NPTN: variants seen among roughly 807,000 people sequenced by gnomAD.
NPTN encodes the protein neuroplastin.
Under a neutral mutation model 42.7 loss-of-function variants are expected in NPTN, and 5 were observed. That is an observed-to-expected ratio of 0.12 (90% confidence interval 0.06 to 0.25). The LOEUF is 0.25. Ranked by LOEUF, NPTN falls within the 10% of genes least tolerant of loss-of-function variation. NPTN has a pLI of 1.00. For synonymous variants in NPTN, 180 were observed against 201.9 expected (o/e 0.89, Z 0.92); for missense variants, 307 against 525.4 (o/e 0.58, Z 4.06).
chr15:73,590,609 A>C (rs79451622), intron 3 of NPTN, among the ~76,000 whole-genome samples: 9 of 146,098 alleles, frequency 6.2e-5, no homozygotes, highest in African/African-American at 1.8e-4. Flanking sequence ...AAAAAATACA[A>C]AAAAAAAAAA....
intron 4 of NPTN, among the ~76,000 whole-genome samples, chr15:73,577,269 G>T (rs942310859): frequency 1.3e-5 from 2 of 152,186 alleles, no homozygotes; most frequent in Non-Finnish European, 2.9e-5. Context: ...TCACCTTGGG[G>T]TTCACTCCCA....
intron 1 of NPTN, among the ~76,000 whole-genome samples, chr15:73,609,361 TG>T: frequency 6.6e-6 from 1 of 152,356 alleles, no homozygotes; most frequent in South Asian, 2.1e-4. Context: ...CCGGGCGCAG[TG>T]GCTCACGCCT....
intron 4 of NPTN, among the ~76,000 whole-genome samples, chr15:73,583,321 G>A (rs1326111428): frequency 5.9e-5 from 9 of 152,162 alleles, no homozygotes; most frequent in Admixed American, 6.5e-5. Flanking sequence ...TGGTGCTTAG[G>A]AGCACAGGAT....
rs1465074818 is a variant in NPTN, at chr15:73,633,135, G to T, written c.81C>A (p.Ala27=). ...CGGCGCCCCGCTTACCGTTCTGAGCGGCGCCTGGCCCTGGGAGGAGGGAGC... is the reference window on the plus strand; with the variant it reads ...CGGCGCCCCGCTTACCGTTCTGAGCTGCGCCTGGCCCTGGGAGGAGGGAGC... The part of the protein sequence containing the change: ...VSGSLLPGPG[A]AQNAGFVKSP... The change falls in exon 1 of 9, where the codon GCC becomes GCA. Residue 27 remains alanine, a synonymous_variant. Coordinates refer to ENST00000345330, the MANE Select transcript of NPTN (RefSeq NM_012428.4). The T allele has an allele frequency of 6.7e-7, 1 of 1,491,078 alleles. No individual in the cohort carries two copies. The highest frequency in any genetic ancestry group is 8.9e-7 in the Non-Finnish European group (1 of 1,128,184). 92.4% of individuals were successfully genotyped at this position (1,491,078 alleles called of 1,614,324 possible).
At position 73,560,330 on chromosome 15, in the gene NPTN, G is replaced by A. The variant is rs1894587712; in HGVS notation, c.*733C>T. The A allele has an allele frequency of 6.4e-6, 1 of 157,270 alleles. No individual in the cohort carries two copies. The allele number at this position is 157,270 out of a possible 1,614,324, so 9.7% of individuals were successfully genotyped here. ...CAAGAATAAGGTTCAACACATCAGTGCAAAAGGATTTATGAATTTACATGA... is the reference window on the plus strand; with the variant it reads ...CAAGAATAAGGTTCAACACATCAGTACAAAAGGATTTATGAATTTACATGA... On this transcript the variant is annotated 3_prime_UTR_variant, in exon 9 of 9. Coordinates refer to ENST00000345330, the MANE Select transcript of NPTN (RefSeq NM_012428.4).
At chr15:73,588,097 G>A (rs1379228130) in intron 3 of NPTN, among the ~76,000 whole-genome samples, 2 of 152,040 alleles carry the variant, frequency 1.3e-5, no homozygotes, top group African/African-American at 2.4e-5. Flanking sequence ...AAAATTAGCC[G>A]GGTGTGGTGG....
chr15:73,584,300 G>A (rs1340559130), intron 4 of NPTN, among the ~76,000 whole-genome samples: 2 of 152,118 alleles, frequency 1.3e-5, no homozygotes, highest in Non-Finnish European at 2.9e-5. Context: ...TAAGGGATAA[G>A]GATACTGCTT....
intron 1 of NPTN, among the ~76,000 whole-genome samples, chr15:73,623,718 A>G (rs1898251401): frequency 1.3e-5 from 2 of 152,060 alleles, no homozygotes; most frequent in South Asian, 4.1e-4. Context: ...AAACACACTA[A>G]CTTTTGAAAA....
intron 3 of NPTN, among the ~76,000 whole-genome samples, chr15:73,590,827 C>T (rs796693899): frequency 3.9e-5 from 6 of 152,152 alleles, no homozygotes; most frequent in East Asian, 1.9e-4. Context: ...GAAAAAAATG[C>T]TTTTCATTCC....
chr15:73,575,419 G>T (rs998020841), intron 4 of NPTN, among the ~76,000 whole-genome samples: 2 of 152,342 alleles, frequency 1.3e-5, no homozygotes, highest in East Asian at 1.9e-4. Context: ...GCCCAGCCGG[G>T]TTACAGTAAT....
chr15:73,615,443 G>A (rs1234149466), intron 1 of NPTN, among the ~76,000 whole-genome samples: 5 of 152,060 alleles, frequency 3.3e-5, no homozygotes, highest in African/African-American at 9.7e-5. Flanking sequence ...CAGTACAGAG[G>A]AATGATGCAC....
At position 73,597,675 on chromosome 15, in the gene NPTN, T is replaced by C. The variant is rs1444225735; in HGVS notation, c.92-306A>G. 6.6e-6 allele frequency among the ~76,000 whole-genome samples: 1 copy of C among 152,184 alleles called. No homozygotes were observed. The highest frequency in any genetic ancestry group is 1.5e-5 in the Non-Finnish European group (1 of 68,038). On this transcript the variant is annotated intron_variant, in intron 1 of 8. Coordinates refer to ENST00000345330, the MANE Select transcript of NPTN (RefSeq NM_012428.4). This position sits in a 1 kb window ranked among gnomAD's most constrained non-coding sequence, Gnocchi z 6.3. Reference sequence around the variant, plus strand: ...GCATTTTAGCAATGGGCCCAGCTGGTAGGAATGAGAAAGCCTCAGGTCTTG... The same window carrying C: ...GCATTTTAGCAATGGGCCCAGCTGGCAGGAATGAGAAAGCCTCAGGTCTTG...
chr15:73,579,090 C>T lies in NPTN; in HGVS notation c.707-5295G>A, dbSNP rs142127079. Among the ~76,000 whole-genome samples, 732 of 150,690 alleles carry T rather than the reference C, an allele frequency of 4.9e-3. 3 individuals carry two copies. Among genetic ancestry groups the T allele is most frequent in the Middle Eastern group, 0.024 (7 of 288 alleles). On this transcript the variant is annotated intron_variant, in intron 4 of 8. Transcript: ENST00000345330. ...GGTCAGGAGATCAAGACCATCCTGG[C>T]TAACACGGTGAAACCCCGTCTCTAC...
intron 1 of NPTN, among the ~76,000 whole-genome samples, chr15:73,612,883 G>C (rs1172100243): frequency 6.6e-6 from 1 of 152,186 alleles, no homozygotes; most frequent in East Asian, 1.9e-4. Flanking sequence ...GAATGTCATA[G>C]GAGGAAATCT....
chr15:73,603,307 G>A (rs1470884071), intron 1 of NPTN, among the ~76,000 whole-genome samples: 2 of 152,342 alleles, frequency 1.3e-5, no homozygotes, highest in East Asian at 1.9e-4. Context: ...ACGGGCAGCA[G>A]CCTGCAGCAC....
intron 6 of NPTN, chr15:73,565,857 C>T: frequency 2.2e-6 from 1 of 454,270 alleles, no homozygotes. Context: ...CTATATCCGC[C>T]TCATCATCTA....
intron 1 of NPTN, among the ~76,000 whole-genome samples, chr15:73,627,982 A>G (rs1469234420): frequency 2.0e-5 from 3 of 152,134 alleles, no homozygotes. Context: ...GTTAATCCTT[A>G]CCAACTAAAA....
At position 73,587,606 on chromosome 15, in the gene NPTN, C is replaced by T. The variant is rs749355757; in HGVS notation, c.624G>A (p.Pro208=). Residue 208 remains proline (P), a synonymous_variant, in exon 4 of 9, where the codon CCG becomes CCA. Coordinates refer to ENST00000345330, the MANE Select transcript of NPTN (RefSeq NM_012428.4). ...GGTATTCGCCTGAATCCTCAGCTCT[C>T]GGCTTATTGATCCTGCAGAGATGAG... is the stretch of plus-strand genomic sequence containing the variant. ...ASNMEYRINK[P]RAEDSGEYHC... The T allele has an allele frequency of 2.5e-6, 4 of 1,612,990 alleles. No individual in the cohort carries two copies. Among genetic ancestry groups the T allele is most frequent in the Middle Eastern group, 1.6e-4 (1 of 6,080 alleles).
chr15:73,601,935 G>A lies in NPTN; in HGVS notation c.92-4566C>T, dbSNP rs111705674. Among the ~76,000 whole-genome samples the A allele has an allele frequency of 8.0e-3, 1,218 of 152,250 alleles. 21 individuals carry two copies. The highest frequency in any genetic ancestry group is 0.028 in the African/African-American group (1,173 of 41,536). ...AATGTAAAATTGCATAACTGGGGAT[G>A]GGGGATGGGAGGCAAAGATGACAGC... On this transcript the variant is annotated intron_variant, in intron 1 of 8. Coordinates refer to ENST00000345330, the MANE Select transcript of NPTN (RefSeq NM_012428.4).
Sources: gnomAD v4.1 joint callset for allele counts (sites outside exome capture counted in the v4.1 genomes callset) on GRCh38, gnomAD v4.1.1 for gene constraint, Gnocchi (gnomAD v3.1) non-coding constraint, MANE v1.5 for transcripts, NCBI Gene and HGNC (gene_info 2026-07-23, HGNC 2026-07-21) for gene names.